Variants in TMEM38A observed in about 807,000 individuals in gnomAD.
The protein encoded by TMEM38A is trimeric intracellular cation channel type A.
In TMEM38A, 17 loss-of-function variants were observed where a neutral mutation model predicts 28.6. That is an observed-to-expected ratio of 0.60 (90% CI 0.41 to 0.89). TMEM38A has a LOEUF of 0.89. Among genes scored for constraint, TMEM38A ranks in the 40% least tolerant of loss-of-function variants. TMEM38A has a pLI of 0.00. For missense variants in TMEM38A, 328 were observed against 393.1 expected (o/e 0.83, Z 1.40); for synonymous variants, 169 against 166.1 (o/e 1.02, Z -0.14).
At chr19:16,673,887 A>C (rs1191343826) in intron 1 of TMEM38A, among the ~76,000 whole-genome samples, 1 of 151,838 alleles carries the variant, frequency 6.6e-6, no homozygotes, top group African/African-American at 2.4e-5. Flanking sequence ...CAGGAGTTCA[A>C]GAGCAGCCTG....
At chr19:16,664,208 G>C (rs970468604) in intron 1 of TMEM38A, among the ~76,000 whole-genome samples, 9 of 152,096 alleles carry the variant, frequency 5.9e-5, no homozygotes, top group Admixed American at 2.0e-4. Flanking sequence ...TTGAGCCCAG[G>C]ACTTTGAAAC....
chr19:16,672,434 C>CA lies in TMEM38A; in HGVS notation c.125-7543dup, dbSNP rs200009824. Among the ~76,000 whole-genome samples, 94 of 141,274 alleles carry CA rather than the reference C, an allele frequency of 6.7e-4. No homozygotes were observed. In the East Asian group the frequency reaches 0.015, roughly 22 times the overall value. 92.7% of individuals were successfully genotyped at this position (141,274 alleles called of 152,430 possible). ...AGCTGATGAGCTTAAAAAAAAATCACAAAAAAACCTCATTTTTTTTTTTTT... is the reference window on the plus strand; with the variant it reads ...AGCTGATGAGCTTAAAAAAAAATCACAAAAAAAACCTCATTTTTTTTTTTTT... On this transcript the variant is annotated intron_variant, in intron 1 of 5. Transcript: ENST00000187762.
intron 1 of TMEM38A, among the ~76,000 whole-genome samples, chr19:16,671,696 C>T (rs1308275415): frequency 1.3e-5 from 2 of 152,194 alleles, no homozygotes; most frequent in Non-Finnish European, 2.9e-5. Flanking sequence ...TCCGAAAGTG[C>T]TGGGATTACG....
rs1298826621 is a variant in TMEM38A, at chr19:16,688,559, A to T, written c.*188A>T. ...GGATGAGGATGAAGAACTTTTGTAGAAATCGGGGTTCCCTCTTTCTCTCTG... is the reference window on the plus strand; with the variant it reads ...GGATGAGGATGAAGAACTTTTGTAGTAATCGGGGTTCCCTCTTTCTCTCTG... On this transcript the variant is annotated 3_prime_UTR_variant, in exon 6 of 6. Coordinates refer to ENST00000187762, the MANE Select transcript of TMEM38A (RefSeq NM_024074.4). 2.3e-6 allele frequency: 1 copy of T among 430,154 alleles called. No individual in the cohort carries two copies. The highest frequency in any genetic ancestry group is 4.0e-6 in the Non-Finnish European group (1 of 252,628). The allele number at this position is 430,154 out of a possible 1,614,324, so 26.6% of individuals were successfully genotyped here.
chr19:16,670,201 C>A (rs895150560), intron 1 of TMEM38A, among the ~76,000 whole-genome samples: 2 of 151,116 alleles, frequency 1.3e-5, no homozygotes, highest in African/African-American at 4.9e-5. Flanking sequence ...AATTCCTGAC[C>A]TTGTGATCCA....
At chr19:16,680,713 C>T in intron 3 of TMEM38A, 132 bp downstream of exon 3, 1 of 808,868 alleles carries the variant, frequency 1.2e-6, no homozygotes, top group South Asian at 1.6e-5. Context: ...GGTGTTCAAA[C>T]CTCCCTACAG....
intron 3 of TMEM38A, 89 bp from the exon 4 acceptor site, chr19:16,682,332 G>T: frequency 9.9e-7 from 1 of 1,014,132 alleles, no homozygotes; most frequent in Non-Finnish European, 1.6e-6. Flanking sequence ...AAGATTCTGG[G>T]AGTGGAGAGA....
chr19:16,664,579 G>A (rs1390038545), intron 1 of TMEM38A, among the ~76,000 whole-genome samples: 1 of 152,088 alleles, frequency 6.6e-6, no homozygotes, highest in African/African-American at 2.4e-5. Flanking sequence ...TCAGTGTGGG[G>A]CCTTTTGTTC....
Position 16,676,092 on chromosome 19 carries a change from GGCTCAC to G in TMEM38A, c.125-3891_125-3886del, listed in dbSNP as rs2086749786. 2.7e-5 allele frequency among the ~76,000 whole-genome samples: 4 copies of G among 149,700 alleles called. 1 individual carries two copies. The highest frequency in any genetic ancestry group is 1.0e-4 in the African/African-American group (4 of 39,048). ...AGATCACATTTTGGCCGGGCGCGGT[GGCTCAC>G]ACCTGTAATCCCAGCACTTTGTGAG... On this transcript the variant is annotated intron_variant, in intron 1 of 5. Transcript: ENST00000187762.
chr19:16,663,138 A>T (rs1802747810), intron 1 of TMEM38A, among the ~76,000 whole-genome samples: 1 of 151,968 alleles, frequency 6.6e-6, no homozygotes, highest in African/African-American at 2.4e-5. Flanking sequence ...AAAATTAGCC[A>T]GGCATGGTGG....
In TMEM38A at chr19:16,661,337, G is replaced by A; in HGVS notation, c.120G>A (p.Glu40=). ...FIVSILYLKY[E]PGAVELSRRH... is the part of the protein sequence containing the mutation. ...TCTCCATCCTCTACCTCAAGTATGA[G>A]CCAGGTGAGCCGGGGCGGGGGGCTG... is the stretch of plus-strand genomic sequence containing the variant. The change falls in exon 1 of 6, where the codon GAG becomes GAA. Residue 40 remains glutamate, a synonymous_variant. Transcript: ENST00000187762. This position sits in a 1 kb window ranked among gnomAD's most constrained non-coding sequence, Gnocchi z 6.5. 2 of 1,588,528 alleles carry A rather than the reference G, an allele frequency of 1.3e-6. No homozygotes were observed. The highest frequency in any genetic ancestry group is 1.7e-6 in the Non-Finnish European group (2 of 1,167,602).
chr19:16,663,259 C>T (rs986595241), intron 1 of TMEM38A, among the ~76,000 whole-genome samples: 37 of 149,146 alleles, frequency 2.5e-4, no homozygotes, highest in Non-Finnish European at 2.4e-4. Flanking sequence ...CCAGCCTGGG[C>T]GACAGAGCAA....
rs772787543 is a variant in TMEM38A at position 16,688,281 on chromosome 19, G to A, written c.810G>A (p.Gly270=). The A allele has an allele frequency of 1.2e-6, 2 of 1,608,514 alleles. No individual in the cohort carries two copies. Among genetic ancestry groups the A allele is most frequent in the African/African-American group, 1.3e-5 (1 of 74,620 alleles). The change falls in exon 6 of 6, where the codon GGG becomes GGA. Residue 270 remains glycine, a synonymous_variant. Coordinates refer to ENST00000187762, the MANE Select transcript of TMEM38A (RefSeq NM_024074.4). The part of the protein sequence containing the change: ...DNHGGSHSGG[G]PGAQHSAMPA... Reference sequence around the variant, plus strand: ...ATGGTGGGTCCCACAGCGGTGGTGGGCCAGGAGCTCAGCATTCGGCCATGC... The same window carrying A: ...ATGGTGGGTCCCACAGCGGTGGTGGACCAGGAGCTCAGCATTCGGCCATGC...
intron 4 of TMEM38A, among the ~76,000 whole-genome samples, chr19:16,684,479 C>CAA (rs888140973): frequency 4.8e-5 from 6 of 124,768 alleles, no homozygotes; most frequent in African/African-American, 1.8e-4. Flanking sequence ...GACCTTGTCT[C>CAA]AAAAAAAAAA....
chr19:16,688,647 C>A lies in TMEM38A; in HGVS notation c.*276C>A. The A allele has an allele frequency of 3.1e-6, 1 of 323,044 alleles. No individual in the cohort carries two copies. The highest frequency in any genetic ancestry group is 5.6e-6 in the Non-Finnish European group (1 of 178,024). The allele number at this position is 323,044 out of a possible 1,614,324, so 20.0% of individuals were successfully genotyped here. On this transcript the variant is annotated 3_prime_UTR_variant, in exon 6 of 6. Transcript: ENST00000187762. ...ACAGAATCCTGGCAGCAGCTCCAGTCAAGAATGTCACTGGTTGGCATGATA... is the reference window on the plus strand; with the variant it reads ...ACAGAATCCTGGCAGCAGCTCCAGTAAAGAATGTCACTGGTTGGCATGATA...
chr19:16,680,726 A>T (rs1481644956), intron 3 of TMEM38A, 145 bp downstream of exon 3: 1 of 692,722 alleles, frequency 1.4e-6, no homozygotes, highest in Admixed American at 2.5e-5. Context: ...CCCTACAGGT[A>T]TCAGCCGATA....
At chr19:16,663,484 C>A (rs957899037) in intron 1 of TMEM38A, among the ~76,000 whole-genome samples, 4 of 152,056 alleles carry the variant, frequency 2.6e-5, no homozygotes, top group Admixed American at 6.5e-5. Flanking sequence ...GGTTCCAAAC[C>A]CTGGCTATTC....
In TMEM38A at chr19:16,686,341, G is replaced by T. The variant is rs78725797; in HGVS notation, c.608G>T (p.Arg203Leu). 9 of 1,613,374 alleles carry T rather than the reference G, an allele frequency of 5.6e-6. 1 individual carries two copies. The highest frequency in any genetic ancestry group is 7.6e-6 in the Non-Finnish European group (9 of 1,179,912). The change falls in exon 5 of 6, where the codon CGC becomes CTC. Residue 203 changes from arginine to leucine, a missense_variant. Coordinates refer to ENST00000187762, the MANE Select transcript of TMEM38A (RefSeq NM_024074.4). ...ATCCTCTTCACCCTCCAGCAGACCC[G>T]CTGGCTCCCAGTGTCCAAAGCCAGC... is the stretch of plus-strand genomic sequence containing the variant. ...GAILFTLQQT[R>L]WLPVSKASLI...
chr19:16,680,388 C>G lies in TMEM38A; in HGVS notation c.282-9C>G. 6.2e-7 allele frequency: 1 copy of G among 1,614,012 alleles called. No homozygotes were observed. The highest frequency in any genetic ancestry group is 8.5e-7 in the Non-Finnish European group (1 of 1,179,914). On this transcript the variant is annotated splice_polypyrimidine_tract_variant and intron_variant, in intron 2 of 5. Coordinates refer to ENST00000187762, the MANE Select transcript of TMEM38A (RefSeq NM_024074.4). ...CATCCCCTGGCACTCACTGTTCTCT[C>G]CCCAAAAGGTACTTGATTTTCTTCT...
Sources: gnomAD v4.1 joint callset for allele counts (sites outside exome capture counted in the v4.1 genomes callset) on GRCh38, gnomAD v4.1.1 for gene constraint, Gnocchi (gnomAD v3.1) non-coding constraint, MANE v1.5 for transcripts, NCBI Gene and HGNC (gene_info 2026-07-23, HGNC 2026-07-21) for gene names.